Variants in ATOSA observed in about 807,000 individuals in gnomAD.
ATOSA encodes the protein atos homolog A, also known as atos homolog protein A.
At chr15:52,616,779 C>T in the ATOSA span, among the ~76,000 whole-genome samples, 1 of 152,238 alleles carries the variant, frequency 6.6e-6, no homozygotes, top group Admixed American at 6.5e-5. Context: ...CTGCCATGGG[C>T]ATGGAACAGC....
chr15:52,678,070 T>C, the ATOSA span: 8 of 1,610,798 alleles, frequency 5.0e-6, no homozygotes, highest in African/African-American at 9.3e-5. Flanking sequence ...ACCTGTGGGT[T>C]CTTTCAACAG....
the ATOSA span, among the ~76,000 whole-genome samples, chr15:52,645,329 C>T: frequency 6.6e-6 from 1 of 152,158 alleles, no homozygotes; most frequent in Admixed American, 6.5e-5. Flanking sequence ...ATCCCAGCTA[C>T]TTGGGAGGCT....
the ATOSA span, chr15:52,609,046 T>C: frequency 3.1e-6 from 5 of 1,613,316 alleles, no homozygotes; most frequent in Non-Finnish European, 4.2e-6. Flanking sequence ...GCTTGTCAAA[T>C]CTAAGTTATT....
At chr15:52,649,256 T>C in the ATOSA span, among the ~76,000 whole-genome samples, 3 of 152,094 alleles carry the variant, frequency 2.0e-5, no homozygotes, top group African/African-American at 4.8e-5. Context: ...GAACAAGTAA[T>C]GAAATTTCCG....
the ATOSA span, among the ~76,000 whole-genome samples, chr15:52,675,528 T>G: frequency 6.6e-6 from 1 of 152,236 alleles, no homozygotes; most frequent in Non-Finnish European, 1.5e-5. Context: ...AAAACTATAA[T>G]CTGAGTCTCT....
At chr15:52,678,131 G>C in the ATOSA span, 1 of 1,342,202 alleles carries the variant, frequency 7.5e-7, no homozygotes, top group East Asian at 2.3e-5. Flanking sequence ...TGCTGAAAGA[G>C]ACAAAAATAA....
the ATOSA span, among the ~76,000 whole-genome samples, chr15:52,604,187 G>A: frequency 5.9e-5 from 9 of 152,144 alleles, no homozygotes; most frequent in South Asian, 2.1e-4. Flanking sequence ...TTTGGGAGGC[G>A]GAGGCGGGCG....
the ATOSA span, among the ~76,000 whole-genome samples, chr15:52,708,507 A>C: frequency 6.6e-6 from 1 of 152,152 alleles, no homozygotes; most frequent in South Asian, 2.1e-4. Context: ...TTTTTGAATC[A>C]AGGTATGATT....
the ATOSA span, chr15:52,658,752 G>C: frequency 3.3e-6 from 1 of 300,234 alleles, no homozygotes; most frequent in Non-Finnish European, 5.6e-6. Flanking sequence ...ATTGCTTGAG[G>C]ACATGAGTTT....
chr15:52,672,465 T>C, the ATOSA span, among the ~76,000 whole-genome samples: 1 of 150,872 alleles, frequency 6.6e-6, no homozygotes, highest in African/African-American at 2.4e-5. Context: ...TAAGAAGTAC[T>C]GTTTCCAAGT....
the ATOSA span, among the ~76,000 whole-genome samples, chr15:52,654,999 T>C: frequency 1.3e-5 from 2 of 152,072 alleles, no homozygotes; most frequent in Admixed American, 1.3e-4. Context: ...GGCATGATGC[T>C]AATCTCTTTA....
chr15:52,595,007 T>C, the ATOSA span, among the ~76,000 whole-genome samples: 3 of 152,184 alleles, frequency 2.0e-5, no homozygotes, highest in South Asian at 4.1e-4. Context: ...CTAGCTCCAG[T>C]TGATCCTTTC....
the ATOSA span, among the ~76,000 whole-genome samples, chr15:52,626,860 A>C: frequency 6.6e-6 from 1 of 152,160 alleles, no homozygotes; most frequent in African/African-American, 2.4e-5. Context: ...TTGTCAGTTT[A>C]CTGTCAAGGT....
the ATOSA span, among the ~76,000 whole-genome samples, chr15:52,650,766 G>A: frequency 6.6e-6 from 1 of 152,116 alleles, no homozygotes; most frequent in African/African-American, 2.4e-5. Context: ...ACATCACTGA[G>A]TGAACTAAAG....
At chr15:52,701,324 A>G in the ATOSA span, among the ~76,000 whole-genome samples, 2 of 152,190 alleles carry the variant, frequency 1.3e-5, no homozygotes, top group Non-Finnish European at 2.9e-5. Flanking sequence ...CTGTAATCCC[A>G]GCTACTTGGG....
the ATOSA span, among the ~76,000 whole-genome samples, chr15:52,610,752 C>T: frequency 6.6e-6 from 1 of 152,188 alleles, no homozygotes; most frequent in South Asian, 2.1e-4. Flanking sequence ...ATCTCATGGC[C>T]ATCTGCCTAA....
the ATOSA span, among the ~76,000 whole-genome samples, chr15:52,636,227 G>A: frequency 3.3e-5 from 5 of 150,568 alleles, no homozygotes; most frequent in Non-Finnish European, 7.4e-5. Flanking sequence ...AAATACAATG[G>A]AATTAAATTA....
At chr15:52,624,548 C>T in the ATOSA span, among the ~76,000 whole-genome samples, 1 of 152,150 alleles carries the variant, frequency 6.6e-6, no homozygotes, top group African/African-American at 2.4e-5. Flanking sequence ...GGGCATTAAT[C>T]ACAAATGTGA....
chr15:52,606,363 T>C, the ATOSA span, among the ~76,000 whole-genome samples: 1 of 152,154 alleles, frequency 6.6e-6, no homozygotes, highest in African/African-American at 2.4e-5. Flanking sequence ...AAAAATTACA[T>C]GAATAAAAAT....
Sources: allele counts gnomAD v4.1 joint callset (sites outside exome capture counted in the v4.1 genomes callset), GRCh38; gene constraint gnomAD v4.1.1; transcripts MANE v1.5; gene names NCBI Gene and HGNC (gene_info 2026-07-23, HGNC 2026-07-21).